Variants in SYNPR observed in about 807,000 individuals in gnomAD.
SYNPR encodes synaptoporin.
SYNPR carries 23 observed loss-of-function variants against 32.9 expected under a neutral mutation model. The observed-to-expected ratio is 0.70, with a 90% CI of 0.50 to 0.99. The LOEUF (loss-of-function observed/expected upper bound fraction) is 0.99, where lower values mean the gene tolerates loss of function less well. Ranked by LOEUF, SYNPR falls within the 50% of genes least tolerant of loss-of-function variation. SYNPR has a pLI of 0.00. For synonymous variants in SYNPR, 146 were observed against 135.9 expected (o/e 1.07, Z -0.52); for missense variants, 318 against 349.3 (o/e 0.91, Z 0.71).
intron 2 of SYNPR, among the ~76,000 whole-genome samples, chr3:63,374,704 T>C (rs2087863712): frequency 6.6e-6 from 1 of 152,226 alleles, no homozygotes; most frequent in African/African-American, 2.4e-5. Flanking sequence ...ATTTTGGATA[T>C]AGTTTTTGAA....
At chr3:63,558,840 T>C (rs140307876) in intron 4 of SYNPR, among the ~76,000 whole-genome samples, 252 of 150,634 alleles carry the variant, frequency 1.7e-3, no homozygotes, top group African/African-American at 5.8e-3. Flanking sequence ...GGGTAATTAA[T>C]AATATGCTTT....
intron 2 of SYNPR, among the ~76,000 whole-genome samples, chr3:63,266,581 C>T (rs948124785): frequency 4.6e-5 from 7 of 151,770 alleles, no homozygotes; most frequent in African/African-American, 7.3e-5. Context: ...GTGGTGCGTG[C>T]CTGTAATCCC....
intron 2 of SYNPR, among the ~76,000 whole-genome samples, chr3:63,295,391 G>T (rs1291414325): frequency 6.6e-6 from 1 of 152,138 alleles, no homozygotes; most frequent in Non-Finnish European, 1.5e-5. Flanking sequence ...GGTGTGTATG[G>T]TTTATAATAG....
intron 2 of SYNPR, among the ~76,000 whole-genome samples, chr3:63,311,985 A>T (rs1489221752): frequency 6.6e-6 from 1 of 151,954 alleles, no homozygotes; most frequent in Admixed American, 6.6e-5. Flanking sequence ...CACTTTCTTC[A>T]TCTTTAAAGG....
At chr3:63,580,265 C>G (rs1703065693) in intron 4 of SYNPR, among the ~76,000 whole-genome samples, 1 of 152,116 alleles carries the variant, frequency 6.6e-6, no homozygotes, top group Admixed American at 6.6e-5. Flanking sequence ...ACAACAGTAT[C>G]TGTGGGAATG....
intron 2 of SYNPR, among the ~76,000 whole-genome samples, chr3:63,376,433 T>A (rs911805453): frequency 3.9e-5 from 6 of 152,188 alleles, no homozygotes; most frequent in Admixed American, 1.3e-4. Flanking sequence ...ACATCGTATA[T>A]GATAAGACTG....
intron 2 of SYNPR, among the ~76,000 whole-genome samples, chr3:63,349,727 T>G (rs1045733767): frequency 6.6e-6 from 1 of 151,902 alleles, no homozygotes; most frequent in African/African-American, 2.4e-5. Context: ...TTCTGTTATC[T>G]GGAGAATCCA....
chr3:63,265,241 CTTTTTTTTTTT>C (rs71126590), intron 2 of SYNPR, among the ~76,000 whole-genome samples: 60,905 of 103,178 alleles, frequency 0.59, 16,734 homozygotes, highest in Admixed American at 0.66. Context: ...TAATGACATT[CTTTTTTTTTTT>C]TTTTTTTTTT....
intron 1 of SYNPR, among the ~76,000 whole-genome samples, chr3:63,243,706 T>C (rs1268613378): frequency 1.3e-5 from 2 of 152,050 alleles, no homozygotes; most frequent in African/African-American, 4.8e-5. Flanking sequence ...AGTGTAACCA[T>C]GTAAGGAGTA....
At chr3:63,465,092 A>G (rs946560027) in intron 2 of SYNPR, among the ~76,000 whole-genome samples, 1 of 152,196 alleles carries the variant, frequency 6.6e-6, no homozygotes, top group African/African-American at 2.4e-5. Context: ...AGATTTAATC[A>G]ATAGAAAGAC....
the SYNPR span, among the ~76,000 whole-genome samples, chr3:63,209,437 A>G: frequency 6.6e-6 from 1 of 152,180 alleles, no homozygotes; most frequent in African/African-American, 2.4e-5. Flanking sequence ...ATTTTCATAT[A>G]CAGTCCAGAG....
chr3:63,292,333 C>T (rs113995896), intron 2 of SYNPR, among the ~76,000 whole-genome samples: 259 of 152,292 alleles, frequency 1.7e-3, no homozygotes, highest in Non-Finnish European at 3.0e-3. Flanking sequence ...TCCATCACCT[C>T]AAACATTTGT....
intron 2 of SYNPR, among the ~76,000 whole-genome samples, chr3:63,470,240 C>CT (rs954269771): frequency 6.6e-6 from 1 of 152,090 alleles, no homozygotes; most frequent in African/African-American, 2.4e-5. Flanking sequence ...CATGTATTTA[C>CT]TTTTTTTGCT....
chr3:63,323,952 A>C (rs759070336), intron 2 of SYNPR, among the ~76,000 whole-genome samples: 1 of 152,134 alleles, frequency 6.6e-6, no homozygotes, highest in Non-Finnish European at 1.5e-5. Flanking sequence ...CCCAACTTGC[A>C]CAATAAGTAG....
At chr3:63,557,237 C>G (rs1467632684) in intron 4 of SYNPR, among the ~76,000 whole-genome samples, 3 of 152,152 alleles carry the variant, frequency 2.0e-5, no homozygotes, top group Non-Finnish European at 2.9e-5. Context: ...CATTTCTAAA[C>G]ATAAACACAC....
At chr3:63,366,715 A>T (rs2087733197) in intron 2 of SYNPR, among the ~76,000 whole-genome samples, 1 of 152,346 alleles carries the variant, frequency 6.6e-6, no homozygotes, top group Non-Finnish European at 1.5e-5. Flanking sequence ...AGTAAGAGTC[A>T]TAGTGCCATT....
Position 63,306,869 on chromosome 3 carries a change from T to C in SYNPR, c.84+28127T>C, listed in dbSNP as rs146949321. ...GGATAGAGTTGTTTGGGCTTTGCCT[T>C]TTTTTTCAACTGTCATCTTTGTATT... On this transcript the variant is annotated intron_variant, in intron 2 of 5. Transcript: ENST00000478300. 3.6e-3 allele frequency among the ~76,000 whole-genome samples: 546 copies of C among 152,094 alleles called. 2 individuals are homozygous for C. The highest frequency in any genetic ancestry group is 0.012 in the African/African-American group (479 of 41,530).
intron 2 of SYNPR, among the ~76,000 whole-genome samples, chr3:63,388,791 A>G (rs1268278968): frequency 6.6e-6 from 1 of 152,038 alleles, no homozygotes; most frequent in African/African-American, 2.4e-5. Context: ...GCAGAGACCA[A>G]GCCACATGAG....
intron 2 of SYNPR, among the ~76,000 whole-genome samples, chr3:63,347,875 TTGTGTGTGTGTGTGTGTGTGTGTG>T (rs10597535): frequency 6.9e-6 from 1 of 144,386 alleles, no homozygotes; most frequent in Non-Finnish European, 1.5e-5. Context: ...TAGTATTCCA[TTGTGTGTGTGTGTGTGTGTGTGTG>T]TGTGTGTGTG....
Sources: allele counts gnomAD v4.1 joint callset (sites outside exome capture counted in the v4.1 genomes callset), GRCh38; gene constraint gnomAD v4.1.1; transcripts MANE v1.5; gene names NCBI Gene and HGNC (gene_info 2026-07-23, HGNC 2026-07-21).